NFATC3: variants seen among roughly 807,000 people sequenced by gnomAD.
NFATC3 encodes the protein nuclear factor of activated T cells 3.
NFATC3 carries 46 observed loss-of-function variants against 98.6 expected under a neutral mutation model. The ratio of observed to expected loss-of-function variants is 0.47; its 90% CI spans 0.37 to 0.60. NFATC3 has a LOEUF of 0.60. NFATC3 is among the 20% of genes least tolerant of loss of function. NFATC3 has a pLI of 0.00. For synonymous variants in NFATC3, 512 were observed against 472.2 expected, an observed-to-expected ratio of 1.08 and a Z score of -1.09; for missense variants, 1,256 against 1,295.5, an observed-to-expected ratio of 0.97 and a Z score of 0.47.
rs535460804 is a variant in NFATC3 at position 68,223,854 on chromosome 16, C to T, written c.3107-2496C>T. Reference sequence around the variant, plus strand: ...AGGTTGCAGTGAGCCAAGATTGTGCCGCTGCACTCTAGCCTCGGTGACAGA... The same window carrying T: ...AGGTTGCAGTGAGCCAAGATTGTGCTGCTGCACTCTAGCCTCGGTGACAGA... On this transcript the variant is annotated intron_variant, in intron 9 of 9. Transcript: ENST00000346183. Among the ~76,000 whole-genome samples the T allele has an allele frequency of 1.5e-4, 22 of 148,030 alleles. No individual in the cohort carries two copies. The South Asian group carries it at 2.6e-3, about 18-fold the overall frequency.
At chr16:68,097,082 A>G (rs753860985) in intron 1 of NFATC3, among the ~76,000 whole-genome samples, 59 of 152,184 alleles carry the variant, frequency 3.9e-4, no homozygotes, top group Admixed American at 9.2e-4. Flanking sequence ...CAGGAAAGAA[A>G]TCAATAGGAC....
At chr16:68,138,827 A>G (rs2037592307) in intron 3 of NFATC3, 1 of 1,211,290 alleles carries the variant, frequency 8.3e-7, no homozygotes, top group African/African-American at 1.6e-5. Flanking sequence ...TGCTCCACAC[A>G]GGAATAAATC....
intron 1 of NFATC3, among the ~76,000 whole-genome samples, chr16:68,112,831 A>C (rs1346363951): frequency 6.6e-6 from 1 of 151,320 alleles, no homozygotes; most frequent in African/African-American, 2.4e-5. Context: ...TTATTTTAGC[A>C]AGATAGTCTT....
chr16:68,159,897 G>C (rs2038808036), intron 4 of NFATC3, among the ~76,000 whole-genome samples: 1 of 151,590 alleles, frequency 6.6e-6, no homozygotes, highest in South Asian at 2.1e-4. Context: ...GGCCAACATG[G>C]TGAAACCCGT....
At position 68,183,227 on chromosome 16, in the gene NFATC3, T is replaced by C. The variant is rs576734012; in HGVS notation, c.1972-13T>C. 195 of 1,567,476 alleles carry C rather than the reference T, an allele frequency of 1.2e-4. 6 individuals carry two copies. In the South Asian group the frequency reaches 2.3e-3, roughly 18 times the overall value. On this transcript the variant is annotated splice_polypyrimidine_tract_variant and intron_variant, in intron 7 of 9. Coordinates refer to ENST00000346183, the MANE Select transcript of NFATC3 (RefSeq NM_173165.3). The stretch of plus-strand genomic sequence containing the variant: ...AGTTCTGAGTGTAACACAATCTTGC[T>C]TTCCATCCTTAGGCTCACATTGTCC...
At chr16:68,224,564 C>A (rs1300531436) in intron 9 of NFATC3, 1 of 149,324 alleles carries the variant, frequency 6.7e-6, no homozygotes, top group African/African-American at 2.5e-5. Flanking sequence ...CATGAGCCAC[C>A]GCGCCTGGCT....
At chr16:68,185,248 A>T (rs1009161594) in intron 8 of NFATC3, among the ~76,000 whole-genome samples, 4 of 152,104 alleles carry the variant, frequency 2.6e-5, no homozygotes, top group African/African-American at 4.8e-5. Context: ...AAGCGCTGGG[A>T]TTGCAGGTGT....
chr16:68,112,646 G>GTTTTTTTTTTT (rs914607835), intron 1 of NFATC3, among the ~76,000 whole-genome samples: 4 of 97,642 alleles, frequency 4.1e-5, no homozygotes, highest in Non-Finnish European at 7.6e-5. Context: ...TTTCTTTTTC[G>GTTTTTTTTTTT]TTTTTTTTTT....
At chr16:68,185,820 A>T (rs1411896717) in intron 8 of NFATC3, among the ~76,000 whole-genome samples, 2 of 142,148 alleles carry the variant, frequency 1.4e-5, no homozygotes, top group Non-Finnish European at 3.0e-5. Context: ...CCGAGATCGC[A>T]CCACCGCACT....
At chr16:68,192,999 C>T (rs901491398) in intron 9 of NFATC3, among the ~76,000 whole-genome samples, 1 of 152,168 alleles carries the variant, frequency 6.6e-6, no homozygotes, top group Non-Finnish European at 1.5e-5. Flanking sequence ...ATGGGTTCCA[C>T]ACCTTGGATT....
intron 3 of NFATC3, among the ~76,000 whole-genome samples, chr16:68,127,998 GT>G (rs765483336): frequency 7.3e-5 from 11 of 151,156 alleles, no homozygotes; most frequent in South Asian, 6.3e-4. Context: ...ATTTCATTAA[GT>G]TTTTTTTTGT....
At chr16:68,085,861 C>G in intron 1 of NFATC3, 77 bp downstream of exon 1, 2 of 1,132,296 alleles carry the variant, frequency 1.8e-6, no homozygotes, top group Non-Finnish European at 2.4e-6. Context: ...TCCCTGTTCC[C>G]TTGGATGACC....
intron 1 of NFATC3, among the ~76,000 whole-genome samples, chr16:68,119,547 C>T (rs747758084): frequency 2.0e-5 from 3 of 152,100 alleles, no homozygotes; most frequent in Non-Finnish European, 2.9e-5. Context: ...TCATACAGTA[C>T]ACTTCAACAA....
intron 8 of NFATC3, among the ~76,000 whole-genome samples, chr16:68,184,469 G>A (rs1320917931): frequency 1.3e-5 from 2 of 152,084 alleles, no homozygotes; most frequent in African/African-American, 4.8e-5. Flanking sequence ...AGGGAAGTTT[G>A]GGTGATTTCA....
chr16:68,221,591 G>A, intron 9 of NFATC3: 1 of 1,083,806 alleles, frequency 9.2e-7, no homozygotes, highest in Non-Finnish European at 1.1e-6. Flanking sequence ...GATAGAGAAA[G>A]TCTGCCCCGT....
chr16:68,223,702 C>T (rs1394857895), intron 9 of NFATC3, among the ~76,000 whole-genome samples: 1 of 151,796 alleles, frequency 6.6e-6, no homozygotes, highest in Non-Finnish European at 1.5e-5. Flanking sequence ...CAAGACCAGC[C>T]TGGCCAAGAT....
At chr16:68,143,986 A>G (rs923058578) in intron 3 of NFATC3, among the ~76,000 whole-genome samples, 3 of 152,214 alleles carry the variant, frequency 2.0e-5, no homozygotes, top group African/African-American at 7.2e-5. Context: ...CCTAAAAGAA[A>G]AAAATTGATA....
intron 9 of NFATC3, among the ~76,000 whole-genome samples, chr16:68,215,666 A>T (rs1010979676): frequency 6.7e-6 from 1 of 150,292 alleles, no homozygotes; most frequent in Non-Finnish European, 1.5e-5. Context: ...AGAGGGGAAC[A>T]TGGGGTTGAG....
chr16:68,139,295 T>G (rs572106205), intron 3 of NFATC3, among the ~76,000 whole-genome samples: 3 of 152,152 alleles, frequency 2.0e-5, no homozygotes, highest in Non-Finnish European at 4.4e-5. Context: ...AATGAAACAT[T>G]GTGAGGAACA....
Sources: gnomAD v4.1 joint callset for allele counts (sites outside exome capture counted in the v4.1 genomes callset) on GRCh38, gnomAD v4.1.1 for gene constraint, MANE v1.5 for transcripts, NCBI Gene and HGNC (gene_info 2026-07-23, HGNC 2026-07-21) for gene names.